ZNF714: variants seen among roughly 807,000 people sequenced by gnomAD.
The protein encoded by ZNF714 is zinc finger protein 714.
ZNF714 carries 32 observed loss-of-function variants against 46.2 expected under a neutral mutation model. The observed-to-expected ratio is 0.69, with a 90% CI of 0.52 to 0.93. ZNF714 has a LOEUF of 0.93. ZNF714 is among the 40% of genes least tolerant of loss of function. The probability of loss-of-function intolerance (pLI) is 0.00; values close to 1 mark genes in which losing one functional copy is unlikely to be tolerated. For missense variants in ZNF714, 635 were observed against 646.3 expected (o/e 0.98, Z 0.19); for synonymous variants, 199 against 213.1 (o/e 0.93, Z 0.58).
intron 2 of ZNF714, among the ~76,000 whole-genome samples, chr19:21,088,277 A>G (rs1441116722): frequency 6.6e-6 from 1 of 152,246 alleles, no homozygotes; most frequent in Non-Finnish European, 1.5e-5. Flanking sequence ...TGTCCTAAAC[A>G]TCCATCTTTT....
chr19:21,094,863 T>C (rs749255863), intron 2 of ZNF714, among the ~76,000 whole-genome samples: 9 of 152,160 alleles, frequency 5.9e-5, no homozygotes, highest in Admixed American at 5.2e-4. Flanking sequence ...TGGTGTCTCA[T>C]TGTGGTTTTT....
intron 4 of ZNF714, among the ~76,000 whole-genome samples, chr19:21,102,219 T>C (rs1024486766): frequency 2.2e-4 from 33 of 152,376 alleles, no homozygotes; most frequent in South Asian, 4.1e-4. Context: ...ACATTTTTAC[T>C]TTCTATTTTC....
intron 1 of ZNF714, among the ~76,000 whole-genome samples, chr19:21,083,185 C>T (rs776981605): frequency 6.6e-6 from 1 of 152,012 alleles, no homozygotes; most frequent in Non-Finnish European, 1.5e-5. Context: ...TACAGGCATG[C>T]GCCACCACGC....
intron 4 of ZNF714, among the ~76,000 whole-genome samples, chr19:21,108,963 A>T: frequency 6.6e-6 from 1 of 152,338 alleles, no homozygotes; most frequent in South Asian, 2.1e-4. Context: ...TATGATAGTT[A>T]TAGATTCCTG....
intron 4 of ZNF714, 100 bp from the exon 5 acceptor site, chr19:21,116,707 G>T (rs1482655273): frequency 1.1e-5 from 15 of 1,332,578 alleles, no homozygotes; most frequent in Non-Finnish European, 1.5e-5. Context: ...TTTTATTATG[G>T]CATCTTGCTT....
chr19:21,108,533 G>C (rs950115899), intron 4 of ZNF714, among the ~76,000 whole-genome samples: 6 of 152,140 alleles, frequency 3.9e-5, no homozygotes, highest in African/African-American at 1.2e-4. Context: ...AATGAGAACT[G>C]GTTCATTTAA....
At chr19:21,106,700 A>T (rs1265999681) in intron 4 of ZNF714, among the ~76,000 whole-genome samples, 1 of 152,154 alleles carries the variant, frequency 6.6e-6, no homozygotes, top group Non-Finnish European at 1.5e-5. Flanking sequence ...GCTCGTGGCA[A>T]CCTTGTGGAA....
rs987579184 is a variant in ZNF714, at chr19:21,118,539, C to T, written c.*207C>T. ...TGTGCCAGTGCTTTCAACCAGTCCT[C>T]GAACCTTTTTAAGAAAATAATTTAT... On this transcript the variant is annotated 3_prime_UTR_variant, in exon 5 of 5. Transcript: ENST00000456283. 2 of 276,804 alleles carry T rather than the reference C, an allele frequency of 7.2e-6. No homozygotes were observed. Among genetic ancestry groups the T allele is most frequent in the East Asian group, 9.3e-5 (1 of 10,726 alleles). 17.1% of individuals were successfully genotyped at this position (276,804 alleles called of 1,614,324 possible). A position where few individuals can be genotyped will look rare whatever the true frequency, so the allele number is the denominator to read the frequency against.
intron 2 of ZNF714, among the ~76,000 whole-genome samples, chr19:21,097,195 G>A (rs1037034448): frequency 6.6e-6 from 1 of 152,164 alleles, no homozygotes; most frequent in Non-Finnish European, 1.5e-5. Flanking sequence ...TACCCAGGAA[G>A]TTCTGGAGAA....
intron 4 of ZNF714, among the ~76,000 whole-genome samples, chr19:21,101,091 T>C: frequency 6.6e-6 from 1 of 152,218 alleles, no homozygotes; most frequent in East Asian, 1.9e-4. Context: ...TTTTACTTAT[T>C]TCTCTTCAAT....
At position 21,119,651 on chromosome 19, in the gene ZNF714, G is replaced by A. The variant is rs1969674311; in HGVS notation, c.*1319G>A. Reference sequence around the variant, plus strand: ...CAAAAACTACAGCTTAGAAAACAGAGTTCATACTAGAATATATTTTTGCAG... The same window carrying A: ...CAAAAACTACAGCTTAGAAAACAGAATTCATACTAGAATATATTTTTGCAG... On this transcript the variant is annotated 3_prime_UTR_variant, in exon 5 of 5. Coordinates refer to ENST00000456283, the MANE Select transcript of ZNF714 (RefSeq NM_182515.4). 6.6e-6 allele frequency: 1 copy of A among 152,094 alleles called. No individual in the cohort carries two copies. Among genetic ancestry groups the A allele is most frequent in the Non-Finnish European group, 1.5e-5 (1 of 68,064 alleles). 9.4% of individuals were successfully genotyped at this position (152,094 alleles called of 1,614,324 possible).
At chr19:21,101,971 C>T (rs1969192010) in intron 4 of ZNF714, among the ~76,000 whole-genome samples, 1 of 152,130 alleles carries the variant, frequency 6.6e-6, no homozygotes, top group South Asian at 2.1e-4. Context: ...TCTAAAGGCA[C>T]TTACTTGGGA....
chr19:21,106,832 A>AT (rs1969330245), intron 4 of ZNF714, among the ~76,000 whole-genome samples: 1 of 151,600 alleles, frequency 6.6e-6, no homozygotes, highest in Non-Finnish European at 1.5e-5. Flanking sequence ...TTATGTATGT[A>AT]TGTATGTATG....
chr19:21,111,615 C>T (rs1436038953), intron 4 of ZNF714, among the ~76,000 whole-genome samples: 2 of 152,100 alleles, frequency 1.3e-5, no homozygotes, highest in African/African-American at 2.4e-5. Flanking sequence ...ACTTCCAATA[C>T]TATGTTAAAT....
chr19:21,098,423 C>T, intron 3 of ZNF714, 112 bp downstream of exon 3: 4 of 1,321,448 alleles, frequency 3.0e-6, no homozygotes, highest in Non-Finnish European at 4.2e-6. Context: ...TTTCTGATCC[C>T]AGTTTTCAAG....
chr19:21,100,622 T>C lies in ZNF714; in HGVS notation c.142+1712T>C, dbSNP rs116825859. Among the ~76,000 whole-genome samples the C allele has an allele frequency of 7.3e-3, 1,105 of 152,292 alleles. 16 individuals are homozygous for C. The highest frequency in any genetic ancestry group is 0.026 in the African/African-American group (1,077 of 41,566). On this transcript the variant is annotated intron_variant, in intron 4 of 4. Transcript: ENST00000456283. ...ACTATTATAAATAAGATTGTTTTCT[T>C]TATTGCATCAGATAGTTTAAGTGTA...
At position 21,124,854 on chromosome 19, in the gene ZNF714, A is replaced by T. The variant is rs1392199586; in HGVS notation, c.*6522A>T. The T allele has an allele frequency of 1.3e-5, 2 of 152,018 alleles. No individual in the cohort carries two copies. The highest frequency in any genetic ancestry group is 2.9e-5 in the Non-Finnish European group (2 of 67,998). 9.4% of individuals were successfully genotyped at this position (152,018 alleles called of 1,614,324 possible). ...CCATGTATAGGTGAAATCATGAAAT[A>T]TTAATCTTTCTGTGCCTGGCCTATC... On this transcript the variant is annotated 3_prime_UTR_variant, in exon 5 of 5. Coordinates refer to ENST00000456283, the MANE Select transcript of ZNF714 (RefSeq NM_182515.4).
chr19:21,085,979 T>G (rs1263171344), intron 2 of ZNF714, among the ~76,000 whole-genome samples: 1 of 152,086 alleles, frequency 6.6e-6, no homozygotes, highest in African/African-American at 2.4e-5. Context: ...ACAAGGGCTT[T>G]CTTTCCTAGG....
intron 2 of ZNF714, among the ~76,000 whole-genome samples, chr19:21,093,479 G>A (rs561805460): frequency 3.0e-4 from 46 of 151,678 alleles, no homozygotes; most frequent in African/African-American, 7.7e-4. Context: ...TGATCCGCCC[G>A]CCTCAGCCTC....
Sources: allele counts gnomAD v4.1 joint callset (sites outside exome capture counted in the v4.1 genomes callset), GRCh38; gene constraint gnomAD v4.1.1; transcripts MANE v1.5; gene names NCBI Gene and HGNC (gene_info 2026-07-23, HGNC 2026-07-21).